The following DCC variants were observed in gnomAD, a reference collection of about 807,000 sequenced individuals.
DCC encodes the protein DCC netrin 1 receptor, also known as netrin receptor DCC.
Under a neutral mutation model 172.5 loss-of-function variants are expected in DCC, and 58 were observed. The observed-to-expected ratio is 0.34, with a 90% CI of 0.27 to 0.42. The LOEUF is 0.42. Ranked by LOEUF, DCC falls within the 10% of genes least tolerant of loss-of-function variation. DCC has a pLI of 1.00. For synonymous variants in DCC, 709 were observed against 644.5 expected, an observed-to-expected ratio of 1.10 and a Z score of -1.52; for missense variants, 1,740 against 1,791.0, an observed-to-expected ratio of 0.97 and a Z score of 0.51.
intron 8 of DCC, among the ~76,000 whole-genome samples, chr18:53,166,804 T>C (rs2054929275): frequency 1.3e-5 from 2 of 152,216 alleles, no homozygotes; most frequent in Non-Finnish European, 2.9e-5. Flanking sequence ...GTCTTCATTA[T>C]GCTTTTATCT....
chr18:52,934,547 T>C (rs141550924), intron 5 of DCC, among the ~76,000 whole-genome samples: 2 of 152,258 alleles, frequency 1.3e-5, no homozygotes, highest in East Asian at 3.9e-4. Flanking sequence ...ATATAAATTA[T>C]CTAACTTCCT....
chr18:53,060,155 C>T (rs1344382169), intron 5 of DCC, among the ~76,000 whole-genome samples: 4 of 151,716 alleles, frequency 2.6e-5, no homozygotes, highest in Non-Finnish European at 5.9e-5. Context: ...AGGCATGTGC[C>T]ACCACACCTG....
chr18:52,652,261 C>T (rs763552798), intron 1 of DCC, among the ~76,000 whole-genome samples: 1 of 152,096 alleles, frequency 6.6e-6, no homozygotes, highest in African/African-American at 2.4e-5. Context: ...GGAACATGCC[C>T]ATGGGCACTT....
chr18:52,515,362 C>T (rs1199877838), intron 1 of DCC, among the ~76,000 whole-genome samples: 1 of 151,766 alleles, frequency 6.6e-6, no homozygotes, highest in East Asian at 1.9e-4. Context: ...AATCTCAATA[C>T]TGTGGGAGGC....
intron 1 of DCC, among the ~76,000 whole-genome samples, chr18:52,361,470 A>T (rs190614730): frequency 1.3e-5 from 2 of 152,370 alleles, no homozygotes; most frequent in East Asian, 3.9e-4. Flanking sequence ...AACAAAAGAC[A>T]TGATTGAGAT....
intron 5 of DCC, among the ~76,000 whole-genome samples, chr18:52,974,742 C>T (rs2041089084): frequency 6.6e-6 from 1 of 152,122 alleles, no homozygotes; most frequent in Non-Finnish European, 1.5e-5. Flanking sequence ...CATTTTAAAA[C>T]AAAACCAAGA....
chr18:53,479,486 T>TCAAA (rs2045806851), intron 25 of DCC, among the ~76,000 whole-genome samples: 3 of 152,318 alleles, frequency 2.0e-5, no homozygotes, highest in Middle Eastern at 3.4e-3. Context: ...AAATAAATTT[T>TCAAA]CAAACAAAAT....
rs923259763 is a variant in DCC at position 52,598,872 on chromosome 18, A to G, written c.92-153182A>G. ...TCTCTGCTTCCAAGATGGCGCCTCA[A>G]TGCTGCATTTTCCAGAGGGGTGGAA... On this transcript the variant is annotated intron_variant, in intron 1 of 28. Transcript: ENST00000442544. Among the ~76,000 whole-genome samples the G allele has an allele frequency of 3.9e-5, 6 of 152,178 alleles. No individual in the cohort carries two copies. The South Asian group carries it at 1.2e-3, about 32-fold the overall frequency.
At chr18:52,954,301 GTTTT>G (rs200322236) in intron 5 of DCC, among the ~76,000 whole-genome samples, 1 of 150,394 alleles carries the variant, frequency 6.6e-6, no homozygotes, top group African/African-American at 2.4e-5. Flanking sequence ...AATATCACTA[GTTTT>G]TTTTTCAGTA....
intron 2 of DCC, among the ~76,000 whole-genome samples, chr18:52,793,511 T>G (rs1433935635): frequency 6.6e-6 from 1 of 152,242 alleles, no homozygotes. Context: ...TGTTGAGTTG[T>G]TTCAGTTCTT....
intron 1 of DCC, among the ~76,000 whole-genome samples, chr18:52,479,564 C>CTCCCT (rs1989194525): frequency 1.7e-5 from 2 of 119,842 alleles, no homozygotes; most frequent in African/African-American, 3.0e-5. Context: ...CTCTCTCTCA[C>CTCCCT]TCCCTACCTC....
chr18:53,491,808 G>T (rs543161559), intron 26 of DCC, among the ~76,000 whole-genome samples: 14 of 152,206 alleles, frequency 9.2e-5, no homozygotes, highest in African/African-American at 2.9e-4. Flanking sequence ...TTTCTTTATA[G>T]TAGAATGATT....
intron 7 of DCC, among the ~76,000 whole-genome samples, chr18:53,101,650 T>C (rs1490811787): frequency 2.0e-5 from 3 of 152,062 alleles, no homozygotes; most frequent in African/African-American, 7.2e-5. Context: ...TTCACTGACA[T>C]GTTTGTTGTC....
At chr18:52,423,400 T>C (rs1006217510) in intron 1 of DCC, among the ~76,000 whole-genome samples, 9 of 152,066 alleles carry the variant, frequency 5.9e-5, no homozygotes, top group African/African-American at 1.7e-4. Flanking sequence ...GGTCTGACCA[T>C]TGGACCATGA....
chr18:52,378,754 C>T (rs1231288716), intron 1 of DCC, among the ~76,000 whole-genome samples: 1 of 152,056 alleles, frequency 6.6e-6, no homozygotes, highest in East Asian at 1.9e-4. Flanking sequence ...TGTCATGTAG[C>T]CCAGACTGTT....
chr18:53,269,104 G>A (rs1356704302), intron 12 of DCC, among the ~76,000 whole-genome samples: 2 of 152,178 alleles, frequency 1.3e-5, no homozygotes, highest in Non-Finnish European at 2.9e-5. Flanking sequence ...GTGTGTGTGT[G>A]TGTGTGCATG....
At chr18:52,926,907 A>ATATG (rs1450859064) in intron 5 of DCC, among the ~76,000 whole-genome samples, 2 of 119,488 alleles carry the variant, frequency 1.7e-5, no homozygotes, top group African/African-American at 6.1e-5. Context: ...ATGTGTGTAT[A>ATATG]TATACGTATA....
At chr18:53,015,875 A>G (rs149171986) in intron 5 of DCC, among the ~76,000 whole-genome samples, 16 of 152,218 alleles carry the variant, frequency 1.1e-4, no homozygotes, top group African/African-American at 3.6e-4. Flanking sequence ...CCATTAATAT[A>G]TTTTTCAAAA....
chr18:53,458,477 A>T (rs1359359152), intron 23 of DCC, among the ~76,000 whole-genome samples: 1 of 152,240 alleles, frequency 6.6e-6, no homozygotes. Context: ...TAACATGAAC[A>T]TTGTGTTACT....
Sources: allele counts gnomAD v4.1 joint callset (sites outside exome capture counted in the v4.1 genomes callset), GRCh38; gene constraint gnomAD v4.1.1; transcripts MANE v1.5; gene names NCBI Gene and HGNC (gene_info 2026-07-23, HGNC 2026-07-21).